GLIS3: variants seen among roughly 807,000 people sequenced by gnomAD.
GLIS3 encodes the protein zinc finger protein GLIS3.
In GLIS3, 53 loss-of-function variants were observed where a neutral mutation model predicts 78.6. The ratio of observed to expected loss-of-function variants is 0.67; its 90% CI spans 0.54 to 0.85. The LOEUF is 0.85. Ranked by LOEUF, GLIS3 falls within the 40% of genes least tolerant of loss-of-function variation. GLIS3 has a pLI of 0.00. For synonymous variants in GLIS3, 684 were observed against 509.9 expected, an observed-to-expected ratio of 1.34 and a Z score of -4.60; for missense variants, 1,703 against 1,231.1, an observed-to-expected ratio of 1.38 and a Z score of -5.74.
chr9:4,291,354 G>C (rs1415728241), intron 1 of GLIS3, among the ~76,000 whole-genome samples: 1 of 152,058 alleles, frequency 6.6e-6, no homozygotes, highest in African/African-American at 2.4e-5. Context: ...ATGAACATGA[G>C]GGACCTCACC....
chr9:4,075,377 G>A (rs930892300), intron 4 of GLIS3, among the ~76,000 whole-genome samples: 1 of 146,494 alleles, frequency 6.8e-6, no homozygotes, highest in Non-Finnish European at 1.5e-5. Flanking sequence ...GACCATCCTG[G>A]CTAACAAGGT....
intron 4 of GLIS3, among the ~76,000 whole-genome samples, chr9:4,041,267 T>C (rs1435507528): frequency 1.3e-5 from 2 of 152,324 alleles, no homozygotes; most frequent in African/African-American, 2.4e-5. Flanking sequence ...GGAAGTTTGC[T>C]ACCGGCCTCT....
At chr9:4,174,993 C>A (rs1340424439) in intron 2 of GLIS3, among the ~76,000 whole-genome samples, 3 of 152,182 alleles carry the variant, frequency 2.0e-5, no homozygotes, top group Admixed American at 6.6e-5. Flanking sequence ...GGGAAGGGAT[C>A]AGAGTGTACT....
Position 3,968,491 on chromosome 9 carries a change from C to T in GLIS3, c.1711-31302G>A, listed in dbSNP as rs190112801. On this transcript the variant is annotated intron_variant, in intron 4 of 10. Coordinates refer to ENST00000381971, the MANE Select transcript of GLIS3 (RefSeq NM_001042413.2). Reference sequence around the variant, plus strand: ...AAAAATACATATACGTGTGATAATCCGTCTATACAAAATGCTTAACAGTGA... The same window carrying T: ...AAAAATACATATACGTGTGATAATCTGTCTATACAAAATGCTTAACAGTGA... Among the ~76,000 whole-genome samples, 120 of 152,016 alleles carry T rather than the reference C, an allele frequency of 7.9e-4. 3 individuals carry two copies. The East Asian group carries it at 0.013, about 17-fold the overall frequency.
chr9:4,254,083 T>G (rs1824674824), intron 2 of GLIS3, among the ~76,000 whole-genome samples: 2 of 152,216 alleles, frequency 1.3e-5, no homozygotes, highest in African/African-American at 4.8e-5. Context: ...GAGAATTTAA[T>G]GATGACTGGT....
chr9:4,023,711 G>A (rs1389975773), intron 4 of GLIS3, among the ~76,000 whole-genome samples: 1 of 152,222 alleles, frequency 6.6e-6, no homozygotes, highest in African/African-American at 2.4e-5. Flanking sequence ...CAAGAGGTCA[G>A]AGACCAGCAA....
chr9:4,445,847 C>A, the GLIS3 span, among the ~76,000 whole-genome samples: 2 of 152,148 alleles, frequency 1.3e-5, no homozygotes, highest in Non-Finnish European at 1.5e-5. Context: ...GAGGAATCAA[C>A]AGCATGGTTG....
At chr9:4,251,188 C>T (rs1281778909) in intron 2 of GLIS3, among the ~76,000 whole-genome samples, 3 of 152,136 alleles carry the variant, frequency 2.0e-5, no homozygotes, top group Non-Finnish European at 4.4e-5. Flanking sequence ...ATTGATCTGT[C>T]TAATATTGGC....
chr9:3,881,815 C>G (rs577796432), intron 7 of GLIS3, among the ~76,000 whole-genome samples: 11 of 152,270 alleles, frequency 7.2e-5, no homozygotes, highest in African/African-American at 2.6e-4. Flanking sequence ...CTCTATATAT[C>G]GATTTTACCA....
At chr9:4,332,215 G>C (rs1817697459) in intron 2 of GLIS3, among the ~76,000 whole-genome samples, 1 of 152,104 alleles carries the variant, frequency 6.6e-6, no homozygotes, top group African/African-American at 2.4e-5. Flanking sequence ...AACACTATAG[G>C]ATCAACACAC....
At chr9:4,074,808 C>T (rs994439657) in intron 4 of GLIS3, among the ~76,000 whole-genome samples, 6 of 152,162 alleles carry the variant, frequency 3.9e-5, no homozygotes, top group Non-Finnish European at 7.3e-5. Context: ...ATCTTGGTAA[C>T]GAGATCTTGC....
chr9:4,290,261 C>A (rs979743821), intron 1 of GLIS3, among the ~76,000 whole-genome samples: 1 of 152,002 alleles, frequency 6.6e-6, no homozygotes, highest in African/African-American at 2.4e-5. Context: ...TTTCTTATGC[C>A]ACAAGCACTT....
intron 2 of GLIS3, among the ~76,000 whole-genome samples, chr9:4,184,699 A>C (rs12002414): frequency 1.6e-4 from 25 of 152,244 alleles, no homozygotes; most frequent in African/African-American, 6.0e-4. Context: ...AGAGAGACTT[A>C]AACAGCAGAT....
rs758745772 is a variant in GLIS3, at chr9:3,975,695, A to G, written c.1711-38506T>C. 5.3e-5 allele frequency among the ~76,000 whole-genome samples: 8 copies of G among 152,104 alleles called. No individual in the cohort carries two copies. The East Asian group carries it at 7.7e-4, about 15-fold the overall frequency. ...TACTTGCACTCTTCCAAATAAACAT[A>G]TTTGGTTCTTTTTTATGTCACTGGT... On this transcript the variant is annotated intron_variant, in intron 4 of 10. Transcript: ENST00000381971.
At chr9:4,026,689 C>T (rs188008394) in intron 4 of GLIS3, among the ~76,000 whole-genome samples, 8 of 152,294 alleles carry the variant, frequency 5.3e-5, no homozygotes, top group Admixed American at 3.9e-4. Context: ...TTTGACATCT[C>T]TTTTCTTTAA....
At chr9:4,209,221 T>A (rs982500879) in intron 2 of GLIS3, among the ~76,000 whole-genome samples, 3 of 152,066 alleles carry the variant, frequency 2.0e-5, no homozygotes, top group Non-Finnish European at 4.4e-5. Flanking sequence ...AGACGTAAAA[T>A]TACCCTGAGT....
At chr9:4,108,268 C>A (rs898850261) in intron 4 of GLIS3, among the ~76,000 whole-genome samples, 2 of 152,166 alleles carry the variant, frequency 1.3e-5, no homozygotes, top group Middle Eastern at 3.2e-3. Flanking sequence ...GGAGAGCCAG[C>A]ACACTGAATC....
chr9:4,447,113 T>C, the GLIS3 span, among the ~76,000 whole-genome samples: 1 of 152,064 alleles, frequency 6.6e-6, no homozygotes, highest in South Asian at 2.1e-4. Flanking sequence ...AGTGGCACAA[T>C]CGCAGCTCAC....
intron 2 of GLIS3, among the ~76,000 whole-genome samples, chr9:4,235,372 G>C (rs1294111412): frequency 1.3e-5 from 2 of 150,888 alleles, no homozygotes; most frequent in Non-Finnish European, 2.9e-5. Context: ...TGAAATATGT[G>C]CACAGACAGA....
Sources: allele counts gnomAD v4.1 joint callset (sites outside exome capture counted in the v4.1 genomes callset), GRCh38; gene constraint gnomAD v4.1.1; transcripts MANE v1.5; gene names NCBI Gene and HGNC (gene_info 2026-07-23, HGNC 2026-07-21).